QKI: variants seen among roughly 807,000 people sequenced by gnomAD.
The protein encoded by QKI is QKI, KH domain containing RNA binding.
A neutral mutation model predicts 39.0 loss-of-function variants in QKI; 10 were observed. The observed-to-expected ratio is 0.26, with a 90% CI of 0.16 to 0.43. The LOEUF (loss-of-function observed/expected upper bound fraction) is 0.43. Ranked by LOEUF, QKI falls within the 20% of genes least tolerant of loss-of-function variation. The pLI is 1.00. For missense variants in QKI, 218 were observed against 428.0 expected, an observed-to-expected ratio of 0.51 and a Z score of 4.33; for synonymous variants, 204 against 155.4, an observed-to-expected ratio of 1.31 and a Z score of -2.33.
chr6:163,534,114 A>G (rs1352391346), intron 3 of QKI, among the ~76,000 whole-genome samples: 1 of 152,174 alleles, frequency 6.6e-6, no homozygotes, highest in Non-Finnish European at 1.5e-5. Flanking sequence ...TTATTTAAAA[A>G]CACTTTCTCT....
intron 2 of QKI, among the ~76,000 whole-genome samples, chr6:163,461,408 A>G (rs1163193050): frequency 6.6e-6 from 1 of 152,180 alleles, no homozygotes; most frequent in Non-Finnish European, 1.5e-5. Flanking sequence ...TTTATAAATA[A>G]TATATTTTAG....
chr6:163,446,649 A>AC (rs1790176392), intron 1 of QKI, among the ~76,000 whole-genome samples: 1 of 152,368 alleles, frequency 6.6e-6, no homozygotes, highest in African/African-American at 2.4e-5. Context: ...TATTAAATAA[A>AC]TAATAGTTAA....
At chr6:163,502,427 A>G (rs1583110752) in intron 3 of QKI, among the ~76,000 whole-genome samples, 2 of 152,294 alleles carry the variant, frequency 1.3e-5, no homozygotes, top group East Asian at 1.9e-4. Flanking sequence ...AAAGCTTTTT[A>G]TATGTTAACC....
At chr6:163,558,378 G>A (rs891339977) in intron 4 of QKI, among the ~76,000 whole-genome samples, 1 of 150,672 alleles carries the variant, frequency 6.6e-6, no homozygotes, top group Non-Finnish European at 1.5e-5. Flanking sequence ...AATTAACCCT[G>A]TTGTCTCTTC....
chr6:163,515,566 C>G (rs1470578635), intron 3 of QKI, among the ~76,000 whole-genome samples: 1 of 152,052 alleles, frequency 6.6e-6, no homozygotes, highest in African/African-American at 2.4e-5. Flanking sequence ...ATCAAATACA[C>G]TTGATTTAAC....
intron 4 of QKI, among the ~76,000 whole-genome samples, chr6:163,550,893 G>A (rs1272077046): frequency 6.7e-6 from 1 of 149,738 alleles, no homozygotes; most frequent in East Asian, 2.0e-4. Context: ...CTTGCAGTGA[G>A]CCAAGATCGT....
chr6:163,546,846 T>C (rs1046299288), intron 4 of QKI, among the ~76,000 whole-genome samples: 6 of 152,070 alleles, frequency 3.9e-5, no homozygotes, highest in African/African-American at 1.4e-4. Context: ...AAGGCTCCTT[T>C]ATGGGAATTA....
chr6:163,514,340 T>TGAA (rs1779664604), intron 3 of QKI, among the ~76,000 whole-genome samples: 3 of 152,190 alleles, frequency 2.0e-5, no homozygotes, highest in African/African-American at 7.2e-5. Context: ...CAAACAGCTT[T>TGAA]AGAGCTATAC....
At chr6:163,530,875 C>G (rs760352467) in intron 3 of QKI, among the ~76,000 whole-genome samples, 1 of 152,166 alleles carries the variant, frequency 6.6e-6, no homozygotes, top group Non-Finnish European at 1.5e-5. Flanking sequence ...CATCTGGAAC[C>G]TCAGATCCCT....
At chr6:163,531,195 T>G (rs1459181596) in intron 3 of QKI, among the ~76,000 whole-genome samples, 1 of 152,196 alleles carries the variant, frequency 6.6e-6, no homozygotes, top group Non-Finnish European at 1.5e-5. Flanking sequence ...TTTTATTAAC[T>G]CTCTGAAGGG....
At chr6:163,491,831 G>A (rs775736673) in intron 3 of QKI, among the ~76,000 whole-genome samples, 16 of 152,148 alleles carry the variant, frequency 1.1e-4, no homozygotes, top group Non-Finnish European at 1.9e-4. Flanking sequence ...GTTTTTATTA[G>A]TAAAGTAATA....
intron 1 of QKI, among the ~76,000 whole-genome samples, chr6:163,439,201 A>G (rs1289040136): frequency 1.3e-5 from 2 of 152,208 alleles, no homozygotes; most frequent in Non-Finnish European, 2.9e-5. Context: ...AAAGATAGGA[A>G]CTACTGCATT....
At chr6:163,565,859 A>ATG in intron 6 of QKI, 1 of 1,566,278 alleles carries the variant, frequency 6.4e-7, no homozygotes, top group East Asian at 2.3e-5. Flanking sequence ...AGATGCAGAC[A>ATG]TGTGTGTTGG....
intron 4 of QKI, 71 bp from the exon 5 acceptor site, chr6:163,561,911 G>A: frequency 1.7e-6 from 2 of 1,179,414 alleles, no homozygotes; most frequent in Non-Finnish European, 2.4e-6. Context: ...TTTAAGGCTT[G>A]TGTGTAGATA....
chr6:163,556,591 A>G (rs1365224205), intron 4 of QKI, among the ~76,000 whole-genome samples: 1 of 151,774 alleles, frequency 6.6e-6, no homozygotes, highest in Non-Finnish European at 1.5e-5. Context: ...ATTAAAATAT[A>G]TATATTTATA....
intron 4 of QKI, among the ~76,000 whole-genome samples, chr6:163,552,483 T>G (rs1174643894): frequency 6.6e-6 from 1 of 152,184 alleles, no homozygotes; most frequent in African/African-American, 2.4e-5. Flanking sequence ...GTGCTGGGAT[T>G]ACAGGCGTGA....
chr6:163,518,908 C>T (rs1779989865), intron 3 of QKI, among the ~76,000 whole-genome samples: 1 of 152,140 alleles, frequency 6.6e-6, no homozygotes, highest in Non-Finnish European at 1.5e-5. Flanking sequence ...GCCTAGGAGG[C>T]ACATAACAAT....
intron 2 of QKI, among the ~76,000 whole-genome samples, chr6:163,472,126 C>T (rs770793518): frequency 6.6e-6 from 1 of 152,126 alleles, no homozygotes; most frequent in Non-Finnish European, 1.5e-5. Flanking sequence ...TACTGATAGC[C>T]TACTGTCGAC....
At chr6:163,449,517 A>G (rs1267930282) in intron 1 of QKI, among the ~76,000 whole-genome samples, 1 of 152,236 alleles carries the variant, frequency 6.6e-6, no homozygotes, top group Admixed American at 6.5e-5. Context: ...CAGCTACCAC[A>G]ACACTAAGTA....
Sources: gnomAD v4.1 joint callset for allele counts (sites outside exome capture counted in the v4.1 genomes callset) on GRCh38, gnomAD v4.1.1 for gene constraint, MANE v1.5 for transcripts, NCBI Gene and HGNC (gene_info 2026-07-23, HGNC 2026-07-21) for gene names.